The following DDX54 variants were observed in gnomAD, a reference collection of about 807,000 sequenced individuals.
DDX54 encodes the protein DEAD-box helicase 54, also known as ATP-dependent RNA helicase DDX54.
Under a neutral mutation model 105.5 loss-of-function variants are expected in DDX54, and 67 were observed. The ratio of observed to expected loss-of-function variants is 0.64; its 90% CI spans 0.52 to 0.78. DDX54 has a LOEUF of 0.78. Ranked by LOEUF, DDX54 falls within the 30% of genes least tolerant of loss-of-function variation. The pLI is 0.00. For missense variants in DDX54, 1,206 were observed against 1,230.5 expected, an observed-to-expected ratio of 0.98 and a Z score of 0.30; for synonymous variants, 514 against 509.9, an observed-to-expected ratio of 1.01 and a Z score of -0.11.
At position 113,158,027 on chromosome 12, in the gene DDX54, G is replaced by C; in HGVS notation, c.*850C>G. The C allele has an allele frequency of 7.4e-6, 2 of 271,120 alleles. No homozygotes were observed. Among genetic ancestry groups the C allele is most frequent in the South Asian group, 1.3e-4 (2 of 15,094 alleles). 16.8% of individuals were successfully genotyped at this position (271,120 alleles called of 1,614,324 possible). The stretch of plus-strand genomic sequence containing the variant: ...TCAGAACAGGGTCCATGCTAGATGA[G>C]AGATCACCAAGGCCCCCTCCACTAT... On this transcript the variant is annotated 3_prime_UTR_variant, in exon 20 of 20. Coordinates refer to ENST00000306014, the MANE Select transcript of DDX54 (RefSeq NM_024072.4). The surrounding 1 kb of genome is among the most constrained non-coding windows in gnomAD (Gnocchi z 4.9).
Position 113,165,917 on chromosome 12 carries a change from G to T in DDX54, c.1530C>A (p.Arg510=). ...ACTGCTGCTGGGCGTTATCAGCAAC[G>T]CGGGCCAGGCCCCGTAGCTCCAGCG... The part of the protein sequence containing the change: ...EASLELRGLA[R]VADNAQQQYV... Residue 510 remains arginine (R), a synonymous_variant, in exon 13 of 20, where the codon CGC becomes CGA. Transcript: ENST00000306014. The T allele has an allele frequency of 6.2e-7, 1 of 1,613,786 alleles. No individual in the cohort carries two copies. The highest frequency in any genetic ancestry group is 1.1e-5 in the South Asian group (1 of 91,082).
At position 113,158,394 on chromosome 12, in the gene DDX54, C is replaced by G. The variant is rs1438594711; in HGVS notation, c.*483G>C. 1 of 154,554 alleles carries G rather than the reference C, an allele frequency of 6.5e-6. No homozygotes were observed. Among genetic ancestry groups the G allele is most frequent in the African/African-American group, 2.4e-5 (1 of 41,536 alleles). The allele number at this position is 154,554 out of a possible 1,614,324, so 9.6% of individuals were successfully genotyped here. ...AATGGACAAGGCAGCAGAACTCACCCTCAGGAGACCCGCAACTCCTCTGCC... is the reference window on the plus strand; with the variant it reads ...AATGGACAAGGCAGCAGAACTCACCGTCAGGAGACCCGCAACTCCTCTGCC... On this transcript the variant is annotated 3_prime_UTR_variant, in exon 20 of 20. Coordinates refer to ENST00000306014, the MANE Select transcript of DDX54 (RefSeq NM_024072.4). The surrounding 1 kb of genome is among the most constrained non-coding windows in gnomAD (Gnocchi z 4.9).
chr12:113,178,223 C>T (rs1044295443), intron 5 of DDX54, among the ~76,000 whole-genome samples: 7 of 152,080 alleles, frequency 4.6e-5, no homozygotes, highest in African/African-American at 1.7e-4. Flanking sequence ...GGTGACAGAG[C>T]GAGACCCTGT....
At chr12:113,177,526 G>A (rs1952418341) in intron 5 of DDX54, among the ~76,000 whole-genome samples, 1 of 152,076 alleles carries the variant, frequency 6.6e-6, no homozygotes, top group Non-Finnish European at 1.5e-5. Flanking sequence ...GCACCCTTGG[G>A]ATACCTGTAG....
At position 113,157,476 on chromosome 12, in the gene DDX54, C is replaced by T. The variant is rs1315644508; in HGVS notation, c.*1401G>A. 1.3e-6 allele frequency: 1 copy of T among 745,266 alleles called. No homozygotes were observed. Among genetic ancestry groups the T allele is most frequent in the Non-Finnish European group, 2.3e-6 (1 of 443,944 alleles). 46.2% of individuals were successfully genotyped at this position (745,266 alleles called of 1,614,324 possible). On this transcript the variant is annotated 3_prime_UTR_variant, in exon 20 of 20. Transcript: ENST00000306014. ...CACCACCTCTGGGAACCACCATCAT[C>T]ACTGTTCTTTTAATGAGGGGATCTC...
Position 113,158,837 on chromosome 12 carries a change from C to T in DDX54, c.*40G>A. On this transcript the variant is annotated 3_prime_UTR_variant, in exon 20 of 20. Transcript: ENST00000306014. The surrounding 1 kb of genome is among the most constrained non-coding windows in gnomAD (Gnocchi z 4.9). ...ACGGGAACGTCTGCTGATGCCCACCCTAAGGCCAATCAAGGAGCCACGGGG... is the reference window on the plus strand; with the variant it reads ...ACGGGAACGTCTGCTGATGCCCACCTTAAGGCCAATCAAGGAGCCACGGGG... The T allele has an allele frequency of 1.3e-6, 2 of 1,554,904 alleles. No individual in the cohort carries two copies. The highest frequency in any genetic ancestry group is 1.7e-6 in the Non-Finnish European group (2 of 1,145,070).
chr12:113,164,869 TA>T lies in DDX54; in HGVS notation c.1720-585del, dbSNP rs936225107. 3.6e-5 allele frequency among the ~76,000 whole-genome samples: 5 copies of T among 137,110 alleles called. No homozygotes were observed. The South Asian group carries it at 9.3e-4, about 25-fold the overall frequency. 89.9% of individuals were successfully genotyped at this position (137,110 alleles called of 152,430 possible). On this transcript the variant is annotated intron_variant, in intron 14 of 19. Transcript: ENST00000306014. ...AACATGACCTCATCTCTACAAAAAA[TA>T]AAAAAAAATAGCTGGGTGTGGTGGC...
chr12:113,179,802 T>C (rs1952444942), intron 3 of DDX54, 133 bp downstream of exon 3: 3 of 1,079,020 alleles, frequency 2.8e-6, no homozygotes, highest in Admixed American at 2.0e-5. Flanking sequence ...GTGGGCACGC[T>C]AGCTGGGGCT....
rs1279597252 is a variant in DDX54, at chr12:113,163,901, C to T, written c.1938+166G>A. Reference sequence around the variant, plus strand: ...AAAGATCTGGCCCCAGAGTTTTAAACGAGGGATGGTGGACAAGAACCATGC... The same window carrying T: ...AAAGATCTGGCCCCAGAGTTTTAAATGAGGGATGGTGGACAAGAACCATGC... On this transcript the variant is annotated intron_variant, in intron 15 of 19. Coordinates refer to ENST00000306014, the MANE Select transcript of DDX54 (RefSeq NM_024072.4). This position sits in a 1 kb window ranked among gnomAD's most constrained non-coding sequence, Gnocchi z 5.9. Among the ~76,000 whole-genome samples, 2 of 152,166 alleles carry T rather than the reference C, an allele frequency of 1.3e-5. No homozygotes were observed. The highest frequency in any genetic ancestry group is 2.9e-5 in the Non-Finnish European group (2 of 68,030).
chr12:113,176,691 T>G (rs1299723505), intron 7 of DDX54, 149 bp downstream of exon 7: 2 of 739,410 alleles, frequency 2.7e-6, no homozygotes, highest in African/African-American at 3.5e-5. Context: ...GCACCGCTTA[T>G]GAGGAGGTCT....
At chr12:113,182,959 G>A (rs867784355) in intron 1 of DDX54, among the ~76,000 whole-genome samples, 3 of 151,372 alleles carry the variant, frequency 2.0e-5, no homozygotes, top group Admixed American at 6.6e-5. Context: ...CCTAGCTCAG[G>A]TGATCCTCCC....
At chr12:113,168,067 A>C in intron 12 of DDX54, 1 of 417,372 alleles carries the variant, frequency 2.4e-6, no homozygotes, top group South Asian at 1.7e-5. Flanking sequence ...CTCCACCTCC[A>C]GTGACTGCAC....
Position 113,174,709 on chromosome 12 carries a change from G to T in DDX54, c.999C>A (p.Asn333Lys). Reference sequence around the variant, plus strand: ...CGGTCTGGTCCTGGGGCCGCACCACGTTGTGCAGCAGGTGGAGCAGCACGG... The same window carrying T: ...CGGTCTGGTCCTGGGGCCGCACCACTTTGTGCAGCAGGTGGAGCAGCACGG... ...KAAVLLHLLH[N>K]VVRPQDQTVV... Residue 333 changes from asparagine to lysine, a missense_variant, in exon 10 of 20, where the codon AAC becomes AAA. Asn to Lys is a moderately conservative substitution (Grantham distance 94, BLOSUM62 0). This residue lies in a region of DDX54 where 961 missense variants were observed against 1,019.1 expected (regional missense o/e 0.94). Transcript: ENST00000306014. 1 of 1,609,448 alleles carries T rather than the reference G, an allele frequency of 6.2e-7. No individual in the cohort carries two copies. The highest frequency in any genetic ancestry group is 8.5e-7 in the Non-Finnish European group (1 of 1,176,062).
Position 113,176,946 on chromosome 12 carries a change from G to T in DDX54, c.657-11C>A, listed in dbSNP as rs757302163. 8.1e-6 allele frequency: 13 copies of T among 1,614,210 alleles called. No individual in the cohort carries two copies. Among genetic ancestry groups the T allele is most frequent in the South Asian group, 7.7e-5 (7 of 91,082 alleles). ...GGCGTGGCAATAATTCTGGAAGAGG[G>T]TGCACAGGCCAGGTGACCCCAGGGC... is the stretch of plus-strand genomic sequence containing the variant. On this transcript the variant is annotated splice_polypyrimidine_tract_variant and intron_variant, in intron 6 of 19. Transcript: ENST00000306014.
Position 113,164,356 on chromosome 12 carries a change from G to C in DDX54, c.1720-71C>G. ...TAACCCCACCCTTACCACTTGGTGG[G>C]CTTCCTATGGGCGTTCTTCCCCAAG... On this transcript the variant is annotated intron_variant, in intron 14 of 19. Transcript: ENST00000306014. The C allele has an allele frequency of 2.7e-6, 4 of 1,480,856 alleles. No individual in the cohort carries two copies. In the South Asian group the frequency reaches 5.2e-5, roughly 19 times the overall value. The allele number at this position is 1,480,856 out of a possible 1,614,324, so 91.7% of individuals were successfully genotyped here.
chr12:113,158,854 G>A lies in DDX54; in HGVS notation c.*23C>T, dbSNP rs767293812. 2.5e-6 allele frequency: 4 copies of A among 1,569,186 alleles called. No homozygotes were observed. The Admixed American group carries it at 5.3e-5, about 21-fold the overall frequency. ...TGCCCACCCTAAGGCCAATCAAGGA[G>A]CCACGGGGCTGGGTCCTGGTCCTCA... On this transcript the variant is annotated 3_prime_UTR_variant, in exon 20 of 20. Transcript: ENST00000306014. This position sits in a 1 kb window ranked among gnomAD's most constrained non-coding sequence, Gnocchi z 4.9.
In DDX54 at chr12:113,163,356, G is replaced by A; in HGVS notation, c.1939-82C>T. ...CCCTGCCTCCCTACCCACCAGCCTGGCCACAGTGAGGGGCCAGTGGCTTCT... is the reference window on the plus strand; with the variant it reads ...CCCTGCCTCCCTACCCACCAGCCTGACCACAGTGAGGGGCCAGTGGCTTCT... On this transcript the variant is annotated intron_variant, in intron 15 of 19. Transcript: ENST00000306014. The surrounding 1 kb of genome is among the most constrained non-coding windows in gnomAD (Gnocchi z 5.9). The A allele has an allele frequency of 1.3e-6, 2 of 1,522,294 alleles. No individual in the cohort carries two copies. The highest frequency in any genetic ancestry group is 2.5e-5 in the South Asian group (2 of 79,844). The allele number at this position is 1,522,294 out of a possible 1,614,324, so 94.3% of individuals were successfully genotyped here.
chr12:113,166,141 G>A (rs965251567), intron 12 of DDX54, 109 bp from the exon 13 acceptor site: 11 of 1,071,566 alleles, frequency 1.0e-5, no homozygotes, highest in Non-Finnish European at 1.5e-5. Context: ...CAGGTAAATG[G>A]CTACAAAATA....
At chr12:113,174,251 G>A (rs1218599987) in intron 10 of DDX54, among the ~76,000 whole-genome samples, 1 of 152,060 alleles carries the variant, frequency 6.6e-6, no homozygotes, top group East Asian at 1.9e-4. Context: ...GCCAAGGTGG[G>A]AGGATCACCT....
Sources: gnomAD v4.1 joint callset for allele counts (sites outside exome capture counted in the v4.1 genomes callset) on GRCh38, gnomAD v4.1.1 for gene constraint, gnomAD v4.1.1 regional missense constraint, Gnocchi (gnomAD v3.1) non-coding constraint, MANE v1.5 for transcripts, NCBI Gene and HGNC (gene_info 2026-07-23, HGNC 2026-07-21) for gene names.